CEMIP2: variants seen among roughly 807,000 people sequenced by gnomAD.
The protein encoded by CEMIP2 is cell surface hyaluronidase CEMIP2.
Under a neutral mutation model 146.9 loss-of-function variants are expected in CEMIP2, and 79 were observed. The observed-to-expected ratio is 0.54, with a 90% CI of 0.45 to 0.65. The LOEUF is 0.65. Ranked by LOEUF, CEMIP2 falls within the 30% of genes least tolerant of loss-of-function variation. CEMIP2 has a pLI of 0.00. For synonymous variants in CEMIP2, 601 were observed against 606.3 expected (o/e 0.99, Z 0.13); for missense variants, 1,596 against 1,696.2 (o/e 0.94, Z 1.04).
intron 6 of CEMIP2, 64 bp downstream of exon 6, chr9:71,734,742 T>C: frequency 6.9e-7 from 1 of 1,459,844 alleles, no homozygotes; most frequent in Admixed American, 2.1e-5. Flanking sequence ...GGAAAAAGGA[T>C]TTCAGGAATC....
intron 21 of CEMIP2, among the ~76,000 whole-genome samples, chr9:71,693,039 A>G (rs1822279761): frequency 6.6e-6 from 1 of 152,236 alleles, no homozygotes; most frequent in South Asian, 2.1e-4. Flanking sequence ...TGATGGTTGT[A>G]CAACAATATG....
intron 18 of CEMIP2, among the ~76,000 whole-genome samples, chr9:71,702,891 A>G (rs1046316376): frequency 1.3e-5 from 2 of 152,192 alleles, no homozygotes; most frequent in Non-Finnish European, 2.9e-5. Flanking sequence ...TATGCACGGT[A>G]CTTTACAAAA....
At chr9:71,686,504 C>T (rs1238278695) in intron 22 of CEMIP2, 1 of 152,236 alleles carries the variant, frequency 6.6e-6, no homozygotes, top group Non-Finnish European at 1.5e-5. Context: ...ATGTAATGTG[C>T]TTCAATCATC....
intron 1 of CEMIP2, among the ~76,000 whole-genome samples, chr9:71,758,171 C>T (rs62544883): frequency 0.067 from 10,192 of 152,152 alleles, 499 homozygotes; most frequent in South Asian, 0.19. Flanking sequence ...TATGAGAAAA[C>T]GGACATATGG....
intron 19 of CEMIP2, among the ~76,000 whole-genome samples, chr9:71,700,130 C>A (rs916844412): frequency 4.4e-4 from 67 of 152,112 alleles, no homozygotes; most frequent in African/African-American, 1.6e-3. Context: ...TGGGTAAAAG[C>A]AGTCAAAACC....
rs71790721 is a variant in CEMIP2 at position 71,715,625 on chromosome 9, G to GATATATATATATATATAT, written c.2436-554_2436-537dup. 3.4e-3 allele frequency among the ~76,000 whole-genome samples: 407 copies of GATATATATATATATATAT among 119,050 alleles called. 4 individuals are homozygous for GATATATATATATATATAT. The highest frequency in any genetic ancestry group is 5.0e-3 in the Middle Eastern group (1 of 200). 78.1% of individuals were successfully genotyped at this position (119,050 alleles called of 152,430 possible). A position where few individuals can be genotyped will look rare whatever the true frequency, so the allele number is the denominator to read the frequency against. On this transcript the variant is annotated intron_variant, in intron 14 of 23. Coordinates refer to ENST00000377044, the MANE Select transcript of CEMIP2 (RefSeq NM_013390.3). ...ATATACATACATATATCCCTCTTAA[G>GATATATATATATATATAT]ATATATATATATATATATATATACT...
chr9:71,734,074 C>T (rs1271479009), intron 6 of CEMIP2, among the ~76,000 whole-genome samples: 1 of 152,138 alleles, frequency 6.6e-6, no homozygotes, highest in Non-Finnish European at 1.5e-5. Context: ...TCTCAAATGC[C>T]TAACCACAAG....
rs181972859 is a variant in CEMIP2, at chr9:71,699,283, T to C, written c.3378-1079A>G. 10 of 286,338 alleles carry C rather than the reference T, an allele frequency of 3.5e-5. 1 individual carries two copies. In the Admixed American group the frequency reaches 3.9e-4, roughly 11 times the overall value. 17.7% of individuals were successfully genotyped at this position (286,338 alleles called of 1,614,324 possible). A position where few individuals can be genotyped will look rare whatever the true frequency, so the allele number is the denominator to read the frequency against. The stretch of plus-strand genomic sequence containing the variant: ...TACAGAATGAAAGTCCAGGTAGTTG[T>C]TTAAGTCTAAACAAAAATTGAAAAT... On this transcript the variant is annotated intron_variant, in intron 19 of 23. Coordinates refer to ENST00000377044, the MANE Select transcript of CEMIP2 (RefSeq NM_013390.3).
At chr9:71,739,697 ACATGTGGCC>A (rs1823860797) in intron 5 of CEMIP2, among the ~76,000 whole-genome samples, 1 of 152,166 alleles carries the variant, frequency 6.6e-6, no homozygotes, top group Non-Finnish European at 1.5e-5. Flanking sequence ...CCCGTGGGCC[ACATGTGGCC>A]CAGGACAGCT....
intron 4 of CEMIP2, among the ~76,000 whole-genome samples, chr9:71,743,712 T>A (rs1823990417): frequency 6.6e-6 from 1 of 152,214 alleles, no homozygotes. Context: ...TCTGAGACAG[T>A]GTCCTTTCGT....
rs58090104 is a variant in CEMIP2 at position 71,762,503 on chromosome 9, C to CAAA, written c.-13+5851_-13+5853dup. The stretch of plus-strand genomic sequence containing the variant: ...CAAGACCCCATGCCAGCCCCGTCAC[C>CAAA]AAAAAAAAAAAAAAAAAAAAAAACT... On this transcript the variant is annotated intron_variant, in intron 1 of 23. Transcript: ENST00000377044. Among the ~76,000 whole-genome samples the CAAA allele has an allele frequency of 3.6e-4, 29 of 79,722 alleles. 6 individuals are homozygous for CAAA. Among genetic ancestry groups the CAAA allele is most frequent in the Admixed American group, 6.6e-4 (4 of 6,042 alleles). The allele number at this position is 79,722 out of a possible 152,430, so 52.3% of individuals were successfully genotyped here.
At chr9:71,697,887 A>C in intron 20 of CEMIP2, 98 bp downstream of exon 20, 2 of 1,236,650 alleles carry the variant, frequency 1.6e-6, no homozygotes, top group Non-Finnish European at 1.1e-6. Flanking sequence ...ATGTCCATAA[A>C]TGGGCAATAT....
chr9:71,691,841 C>T (rs983135082), intron 21 of CEMIP2, among the ~76,000 whole-genome samples: 2 of 152,138 alleles, frequency 1.3e-5, no homozygotes, highest in Non-Finnish European at 2.9e-5. Flanking sequence ...TGCAGTGGCT[C>T]ATGCCTGTAA....
rs565344238 is a variant in CEMIP2 at position 71,712,401 on chromosome 9, C to CAAAGATT, written c.2592-142_2592-141insAATCTTT. 86 of 707,884 alleles carry CAAAGATT rather than the reference C, an allele frequency of 1.2e-4. No individual in the cohort carries two copies. The South Asian group carries it at 1.6e-3, about 13-fold the overall frequency. The allele number at this position is 707,884 out of a possible 1,614,324, so 43.9% of individuals were successfully genotyped here. ...ATACAGTAGGAGCCAAAACAAGATACCTGATTGAATGAAACATATGCTGTA... is the reference window on the plus strand; with the variant it reads ...ATACAGTAGGAGCCAAAACAAGATACAAAGATTCTGATTGAATGAAACATATGCTGTA... On this transcript the variant is annotated intron_variant, in intron 15 of 23. Coordinates refer to ENST00000377044, the MANE Select transcript of CEMIP2 (RefSeq NM_013390.3).
At position 71,704,740 on chromosome 9, in the gene CEMIP2, A is replaced by T. The variant is rs1486492694; in HGVS notation, c.3049T>A (p.Ser1017Thr). 2 of 1,614,080 alleles carry T rather than the reference A, an allele frequency of 1.2e-6. No individual in the cohort carries two copies. Among genetic ancestry groups the T allele is most frequent in the Admixed American group, 3.3e-5 (2 of 60,004 alleles). Residue 1017 changes from serine to threonine, a missense_variant, in exon 18 of 24, where the codon TCC (serine) becomes ACC (threonine). Transcript: ENST00000377044. ...SMTITRDEYP[S>T]NPMVLRGINQ... ...ATACCTCGGAGCACCATAGGGTTGG[A>T]CGGATACTCATCTCGTGTAATGGTC...
chr9:71,691,798 CTG>C (rs1423740069), intron 21 of CEMIP2, among the ~76,000 whole-genome samples: 1 of 151,924 alleles, frequency 6.6e-6, no homozygotes, highest in Non-Finnish European at 1.5e-5. Flanking sequence ...TAGCAAGACA[CTG>C]TCTTAAAAAA....
chr9:71,731,929 A>T (rs988555059), intron 7 of CEMIP2, among the ~76,000 whole-genome samples: 2 of 152,152 alleles, frequency 1.3e-5, no homozygotes, highest in Non-Finnish European at 2.9e-5. Flanking sequence ...GCATACAAAA[A>T]ATATTTTTAT....
At chr9:71,756,488 T>A (rs532209820) in intron 1 of CEMIP2, among the ~76,000 whole-genome samples, 3 of 135,004 alleles carry the variant, frequency 2.2e-5, no homozygotes, top group Admixed American at 7.8e-5. Flanking sequence ...TCTCTCTCTC[T>A]CTCTCTCTCT....
intron 22 of CEMIP2, 173 bp from the exon 23 acceptor site, chr9:71,686,019 C>T (rs1307996722): frequency 6.7e-6 from 4 of 594,396 alleles, no homozygotes; most frequent in Non-Finnish European, 1.2e-5. Flanking sequence ...TCCACCCCAC[C>T]ACCATGGGCT....
Sources: gnomAD v4.1 joint callset for allele counts (sites outside exome capture counted in the v4.1 genomes callset) on GRCh38, gnomAD v4.1.1 for gene constraint, MANE v1.5 for transcripts, NCBI Gene and HGNC (gene_info 2026-07-23, HGNC 2026-07-21) for gene names.